Variants in NRXN1 observed in about 807,000 individuals in gnomAD.
NRXN1 encodes neurexin 1.
NRXN1 carries 39 observed loss-of-function variants against 150.9 expected under a neutral mutation model. The ratio of observed to expected loss-of-function variants is 0.26; its 90% CI spans 0.20 to 0.34. The LOEUF (loss-of-function observed/expected upper bound fraction) is 0.34, where lower values mean the gene tolerates loss of function less well. Ranked by LOEUF, NRXN1 falls within the 10% of genes least tolerant of loss-of-function variation. The probability of loss-of-function intolerance (pLI) is 1.00; values close to 1 mark genes in which losing one functional copy is unlikely to be tolerated. For missense variants in NRXN1, 1,815 were observed against 1,949.9 expected, an observed-to-expected ratio of 0.93 and a Z score of 1.30; for synonymous variants, 924 against 757.0, an observed-to-expected ratio of 1.22 and a Z score of -3.62.
At chr2:50,214,698 A>G (rs2063273850) in intron 18 of NRXN1, among the ~76,000 whole-genome samples, 1 of 152,024 alleles carries the variant, frequency 6.6e-6, no homozygotes, top group Non-Finnish European at 1.5e-5. Context: ...TCTAGATTTC[A>G]TGCAGAAGTC....
intron 17 of NRXN1, among the ~76,000 whole-genome samples, chr2:50,271,368 T>C (rs1212812195): frequency 6.6e-6 from 1 of 152,202 alleles, no homozygotes; most frequent in Non-Finnish European, 1.5e-5. Context: ...AAACCAGTGA[T>C]AATTGTCATA....
intron 18 of NRXN1, among the ~76,000 whole-genome samples, chr2:50,132,625 T>A (rs1056194910): frequency 6.6e-6 from 1 of 152,094 alleles, no homozygotes; most frequent in Non-Finnish European, 1.5e-5. Flanking sequence ...CTTTTTAAAA[T>A]GACTTTTTTG....
chr2:50,442,003 G>C (rs77481265), intron 17 of NRXN1, among the ~76,000 whole-genome samples: 3 of 152,170 alleles, frequency 2.0e-5, no homozygotes, highest in African/African-American at 7.2e-5. Flanking sequence ...GTTCCTTCCA[G>C]TGAAGTCTCT....
At chr2:50,832,527 C>G (rs1220513058) in intron 5 of NRXN1, among the ~76,000 whole-genome samples, 1 of 152,112 alleles carries the variant, frequency 6.6e-6, no homozygotes, top group Middle Eastern at 3.2e-3. Context: ...GTGGCAGGCA[C>G]CTGTAATCAC....
At chr2:50,981,253 T>G (rs1696742584) in intron 2 of NRXN1, among the ~76,000 whole-genome samples, 1 of 151,542 alleles carries the variant, frequency 6.6e-6, no homozygotes, top group Non-Finnish European at 1.5e-5. Context: ...GGCCAAGAGT[T>G]TGAGACCAGC....
intron 5 of NRXN1, among the ~76,000 whole-genome samples, chr2:50,712,942 T>C (rs878917250): frequency 6.6e-6 from 1 of 152,214 alleles, no homozygotes; most frequent in Admixed American, 6.5e-5. Context: ...ATGGAAATGA[T>C]ATCATTTACA....
At chr2:50,458,439 T>C (rs555630785) in intron 17 of NRXN1, among the ~76,000 whole-genome samples, 10 of 152,204 alleles carry the variant, frequency 6.6e-5, no homozygotes, top group South Asian at 6.2e-4. Flanking sequence ...AAGAGTGGAA[T>C]TGGAATGTTC....
intron 18 of NRXN1, among the ~76,000 whole-genome samples, chr2:50,236,020 T>A (rs1003560662): frequency 5.3e-5 from 8 of 152,080 alleles, no homozygotes; most frequent in African/African-American, 1.7e-4. Flanking sequence ...TTTAAAGAGT[T>A]GCAAACATAC....
chr2:50,969,135 T>C (rs768390366), intron 2 of NRXN1, among the ~76,000 whole-genome samples: 6 of 152,124 alleles, frequency 3.9e-5, no homozygotes, highest in Middle Eastern at 3.2e-3. Context: ...TTCACTTCTC[T>C]TGTCCTCAGA....
chr2:50,086,805 G>C (rs1484853857), intron 19 of NRXN1, among the ~76,000 whole-genome samples: 1 of 145,762 alleles, frequency 6.9e-6, no homozygotes, highest in African/African-American at 2.7e-5. Flanking sequence ...GAGAGAGGGG[G>C]AGAGGCAGAG....
chr2:50,170,995 C>A (rs576583735), intron 18 of NRXN1, among the ~76,000 whole-genome samples: 4 of 152,188 alleles, frequency 2.6e-5, no homozygotes, highest in South Asian at 2.1e-4. Flanking sequence ...TGCATTCTTA[C>A]AATAAAGTAA....
chr2:50,472,829 G>A (rs1416669537), intron 15 of NRXN1, among the ~76,000 whole-genome samples: 35 of 79,810 alleles, frequency 4.4e-4, no homozygotes, highest in East Asian at 1.2e-3. Context: ...GTGTGTGTGT[G>A]TATATATATA....
chr2:49,995,619 A>C (rs746580635), intron 21 of NRXN1, among the ~76,000 whole-genome samples: 36 of 151,740 alleles, frequency 2.4e-4, no homozygotes, highest in Non-Finnish European at 4.6e-4. Flanking sequence ...GCCTCTACTA[A>C]AAATACAAAA....
chr2:50,209,087 AGAACACAAGGTTGT>A (rs1214165833), intron 18 of NRXN1, among the ~76,000 whole-genome samples: 6 of 152,256 alleles, frequency 3.9e-5, no homozygotes, highest in Admixed American at 3.9e-4. Flanking sequence ...AAAAGGACCA[AGAACACAAGGTTGT>A]GAACTACTCT....
intron 5 of NRXN1, among the ~76,000 whole-genome samples, chr2:50,728,318 G>A (rs1697655126): frequency 7.2e-5 from 11 of 152,042 alleles, no homozygotes; most frequent in Non-Finnish European, 1.5e-5. Context: ...CTTATAATAA[G>A]GTAATAATTT....
chr2:50,096,886 T>C lies in NRXN1; in HGVS notation c.3547-5392A>G, dbSNP rs989045133. On this transcript the variant is annotated intron_variant, in intron 18 of 22. Coordinates refer to ENST00000401669, the MANE Select transcript of NRXN1 (RefSeq NM_001330078.2). Reference sequence around the variant, plus strand: ...GTCTAATTCCATATGAAATAACATATGCACTTGTAAGTTTTATGTTTTAAC... The same window carrying C: ...GTCTAATTCCATATGAAATAACATACGCACTTGTAAGTTTTATGTTTTAAC... Among the ~76,000 whole-genome samples, 12 of 152,352 alleles carry C rather than the reference T, an allele frequency of 7.9e-5. No homozygotes were observed. In the South Asian group the frequency reaches 2.3e-3, roughly 29 times the overall value.
intron 5 of NRXN1, among the ~76,000 whole-genome samples, chr2:50,806,766 C>G (rs1465484274): frequency 6.6e-6 from 1 of 152,102 alleles, no homozygotes; most frequent in Non-Finnish European, 1.5e-5. Context: ...CTACCTCGTA[C>G]TAGTCCTGCC....
At chr2:50,154,875 A>T (rs1285195174) in intron 18 of NRXN1, among the ~76,000 whole-genome samples, 1 of 151,676 alleles carries the variant, frequency 6.6e-6, no homozygotes, top group African/African-American at 2.4e-5. Flanking sequence ...ATTAAGAAAA[A>T]AAAGCATTTA....
chr2:50,262,307 G>A (rs1266307112), intron 17 of NRXN1, among the ~76,000 whole-genome samples: 1 of 151,796 alleles, frequency 6.6e-6, no homozygotes, highest in Non-Finnish European at 1.5e-5. Context: ...AGCACTGCTA[G>A]CAGTTAACTT....
Sources: allele counts gnomAD v4.1 joint callset (sites outside exome capture counted in the v4.1 genomes callset), GRCh38; gene constraint gnomAD v4.1.1; transcripts MANE v1.5; gene names NCBI Gene and HGNC (gene_info 2026-07-23, HGNC 2026-07-21).